TSGA10IP: variants seen among roughly 807,000 people sequenced by gnomAD.
TSGA10IP encodes the protein testis-specific protein 10-interacting protein.
In TSGA10IP, 64 loss-of-function variants were observed where a neutral mutation model predicts 63.2. The observed-to-expected ratio is 1.01, with a 90% confidence interval of 0.83 to 1.25. The LOEUF (loss-of-function observed/expected upper bound fraction) is 1.25. Ranked by LOEUF, TSGA10IP falls within the 50% of genes most tolerant of loss-of-function variation. The pLI is 0.00. For missense variants in TSGA10IP, 681 were observed against 710.1 expected (o/e 0.96, Z 0.47); for synonymous variants, 316 against 298.3 (o/e 1.06, Z -0.61).
At chr11:65,952,077 C>A (rs919887830) in intron 4 of TSGA10IP, among the ~76,000 whole-genome samples, 1 of 152,142 alleles carries the variant, frequency 6.6e-6, no homozygotes, top group African/African-American at 2.4e-5. Flanking sequence ...TAGTCTCGAA[C>A]TCCAGACCTC....
chr11:65,947,940 G>C, intron 3 of TSGA10IP, 61 bp from the exon 4 acceptor site: 3 of 1,526,020 alleles, frequency 2.0e-6, no homozygotes, highest in Non-Finnish European at 2.6e-6. Flanking sequence ...GGTGCTGGGG[G>C]GCGTTGCCTG....
chr11:65,958,811 T>C lies in TSGA10IP; in HGVS notation c.1323-72T>C, dbSNP rs1002164335. On this transcript the variant is annotated intron_variant, in intron 5 of 7. Transcript: ENST00000532620. ...ATGAATATCAAGTCCTTAGTGAAGA[T>C]AAGCGGGCTCAGGAATGGAGATCAA... The C allele has an allele frequency of 2.2e-5, 28 of 1,283,560 alleles. 1 individual carries two copies. The highest frequency in any genetic ancestry group is 3.0e-5 in the Non-Finnish European group (27 of 907,422). The allele number at this position is 1,283,560 out of a possible 1,614,324, so 79.5% of individuals were successfully genotyped here.
At chr11:65,947,622 G>A (rs1192513406) in exon 3 of TSGA10IP, 1 of 1,613,608 alleles carries the variant, frequency 6.2e-7, no homozygotes, top group Non-Finnish European at 8.5e-7. Context: ...ACTCCCTGCA[G>A]AAGGAGGGCT....
exon 4 of TSGA10IP, chr11:65,948,013 T>C (rs1854874441): frequency 6.4e-7 from 1 of 1,561,872 alleles, no homozygotes; most frequent in African/African-American, 1.4e-5. Context: ...CCCCAAAAGC[T>C]GCCCTGGAAG....
chr11:65,950,532 T>C (rs11607341), intron 4 of TSGA10IP, among the ~76,000 whole-genome samples: 7,590 of 151,686 alleles, frequency 0.05, 267 homozygotes, highest in Middle Eastern at 0.1. Flanking sequence ...GCTCTAGGAC[T>C]GCAGTCATGA....
chr11:65,953,626 G>A (rs1338998215), exon 5 of TSGA10IP: 7 of 1,586,768 alleles, frequency 4.4e-6, no homozygotes, highest in African/African-American at 2.7e-5. Context: ...GCCGAGCTGC[G>A]GCGGGCCCGG....
At chr11:65,948,225 C>T (rs1325011822) in intron 4 of TSGA10IP, 77 bp downstream of exon 4, 1 of 1,464,022 alleles carries the variant, frequency 6.8e-7, no homozygotes, top group African/African-American at 1.4e-5. Flanking sequence ...GATGCTTAGG[C>T]ATTTGAACTC....
At chr11:65,956,993 G>A (rs1418272992) in intron 5 of TSGA10IP, among the ~76,000 whole-genome samples, 1 of 152,214 alleles carries the variant, frequency 6.6e-6, no homozygotes, top group Non-Finnish European at 1.5e-5. Flanking sequence ...TACAGCCTAT[G>A]AACTTCGCTG....
intron 5 of TSGA10IP, among the ~76,000 whole-genome samples, chr11:65,955,561 C>A (rs1249933313): frequency 6.6e-6 from 1 of 151,042 alleles, no homozygotes; most frequent in Admixed American, 6.6e-5. Flanking sequence ...TGCAGTGAGC[C>A]GAGACTGCAC....
chr11:65,946,829 G>C, intron 1 of TSGA10IP, 51 bp from the exon 2 acceptor site: 1 of 1,595,270 alleles, frequency 6.3e-7, no homozygotes, highest in Non-Finnish European at 8.5e-7. Context: ...GTGCAACACA[G>C]TCCAGGAGGC....
chr11:65,947,504 A>G (rs1215369905), exon 3 of TSGA10IP: 1 of 1,613,188 alleles, frequency 6.2e-7, no homozygotes, highest in Admixed American at 1.7e-5. Flanking sequence ...GGAGGCCGAG[A>G]GGGGTCTGAG....
intron 1 of TSGA10IP, among the ~76,000 whole-genome samples, 181 bp from the exon 2 acceptor site, chr11:65,946,699 T>C (rs1175382960): frequency 1.3e-5 from 2 of 152,182 alleles, no homozygotes. Flanking sequence ...CCTCCCAAAG[T>C]GCTGGGGTTA....
chr11:65,955,035 C>G (rs1475232684), intron 5 of TSGA10IP, among the ~76,000 whole-genome samples: 1 of 152,178 alleles, frequency 6.6e-6, no homozygotes, highest in Non-Finnish European at 1.5e-5. Flanking sequence ...CAATCTCTAC[C>G]TAGGGGTGTG....
intron 1 of TSGA10IP, 121 bp from the exon 2 acceptor site, chr11:65,946,759 G>A (rs777880072): frequency 1.5e-5 from 17 of 1,135,704 alleles, no homozygotes; most frequent in South Asian, 4.7e-5. Context: ...TTATGGTAAC[G>A]AGGGCCCAGA....
exon 7 of TSGA10IP, chr11:65,959,212 C>T (rs1381591195): frequency 6.2e-7 from 1 of 1,606,080 alleles, no homozygotes; most frequent in Non-Finnish European, 8.5e-7. Context: ...CTCACCGTCA[C>T]TCGGCGCTTC....
exon 3 of TSGA10IP, chr11:65,947,735 A>G: frequency 6.3e-7 from 1 of 1,592,564 alleles, no homozygotes; most frequent in Non-Finnish European, 8.5e-7. Context: ...CAACCTCCGA[A>G]GGCGACAATG....
exon 2 of TSGA10IP, chr11:65,946,959 A>G: frequency 6.2e-7 from 1 of 1,613,966 alleles, no homozygotes; most frequent in Non-Finnish European, 8.5e-7. Flanking sequence ...ACAGCAAAGA[A>G]GGACCGCAAG....
chr11:65,955,434 C>T (rs770297461), intron 5 of TSGA10IP, among the ~76,000 whole-genome samples: 4 of 152,078 alleles, frequency 2.6e-5, no homozygotes, highest in Non-Finnish European at 2.9e-5. Context: ...AATGAAACCC[C>T]GTCTATACTA....
At position 65,959,831 on chromosome 11, in the gene TSGA10IP, T is replaced by TG; in HGVS notation, c.1567dup (p.Val523GlyfsTer21). 6.4e-7 allele frequency: 1 copy of TG among 1,568,520 alleles called. No individual in the cohort carries two copies. The highest frequency in any genetic ancestry group is 8.6e-7 in the Non-Finnish European group (1 of 1,157,600). ...GTGTCTTGAAGGAGCCACAGGTCAA[T>TG]GGGGGTGAGAATGGAGCACTCTCCT... On this transcript the variant is annotated frameshift_variant, in exon 8 of 8. Transcript: ENST00000532620. LOFTEE classifies it low-confidence loss of function (END_TRUNC).
Sources: allele counts gnomAD v4.1 joint callset (sites outside exome capture counted in the v4.1 genomes callset), GRCh38; gene constraint gnomAD v4.1.1; transcripts MANE v1.5; gene names NCBI Gene and HGNC (gene_info 2026-07-23, HGNC 2026-07-21).